Variants in LARGE1 observed in about 807,000 individuals in gnomAD.
The protein encoded by LARGE1 is xylosyl- and glucuronyltransferase LARGE1.
LARGE1 carries 43 observed loss-of-function variants against 87.6 expected under a neutral mutation model. That is an observed-to-expected ratio of 0.49 (90% CI 0.38 to 0.63). LARGE1 has a LOEUF of 0.63. Ranked by LOEUF, LARGE1 falls within the 30% of genes least tolerant of loss-of-function variation. LARGE1 has a pLI of 0.00. For synonymous variants in LARGE1, 434 were observed against 394.6 expected, an observed-to-expected ratio of 1.10 and a Z score of -1.18; for missense variants, 802 against 1,000.2, an observed-to-expected ratio of 0.80 and a Z score of 2.67.
At chr22:33,607,919 G>T (rs1219406443) in intron 4 of LARGE1, among the ~76,000 whole-genome samples, 1 of 152,206 alleles carries the variant, frequency 6.6e-6, no homozygotes, top group Admixed American at 6.5e-5. Flanking sequence ...TCAGGGGAAA[G>T]GGGCATATTT....
chr22:33,495,785 A>G (rs1489711964), intron 6 of LARGE1, among the ~76,000 whole-genome samples: 1 of 152,198 alleles, frequency 6.6e-6, no homozygotes, highest in Non-Finnish European at 1.5e-5. Flanking sequence ...GCTTTGAAAC[A>G]GCTGAAGCCA....
At chr22:33,647,678 C>T (rs1025433843) in intron 3 of LARGE1, among the ~76,000 whole-genome samples, 1 of 152,222 alleles carries the variant, frequency 6.6e-6, no homozygotes, top group Non-Finnish European at 1.5e-5. Flanking sequence ...AAATCTAAGA[C>T]TGATACAACT....
At position 33,337,943 on chromosome 22, in the gene LARGE1, G is replaced by A. The variant is rs1050991877; in HGVS notation, c.1132-142C>T. Reference sequence around the variant, plus strand: ...CGCTCATTCAACATTTTGGCAGAGTGGTTAAGGGTAGGGGCTCGGGGGCCA... The same window carrying A: ...CGCTCATTCAACATTTTGGCAGAGTAGTTAAGGGTAGGGGCTCGGGGGCCA... On this transcript the variant is annotated intron_variant, in intron 9 of 14. Coordinates refer to ENST00000397394, the MANE Select transcript of LARGE1 (RefSeq NM_133642.5). The A allele has an allele frequency of 7.4e-6, 7 of 942,188 alleles. No homozygotes were observed. The African/African-American group carries it at 1.1e-4, about 15-fold the overall frequency. The allele number at this position is 942,188 out of a possible 1,614,324, so 58.4% of individuals were successfully genotyped here.
intron 11 of LARGE1, among the ~76,000 whole-genome samples, chr22:33,186,104 T>C (rs1317459959): frequency 1.3e-5 from 2 of 152,030 alleles, no homozygotes. Flanking sequence ...CAACCAATTA[T>C]GGGAAAAAAA....
intron 9 of LARGE1, among the ~76,000 whole-genome samples, chr22:33,373,972 C>CAAAAAAAA (rs35830988): frequency 1.7e-5 from 1 of 59,518 alleles, no homozygotes; most frequent in African/African-American, 6.9e-5. Context: ...GACTCCGTCT[C>CAAAAAAAA]AAAAAAAAAA....
chr22:33,485,935 G>A (rs2069553902), intron 6 of LARGE1, among the ~76,000 whole-genome samples: 1 of 152,180 alleles, frequency 6.6e-6, no homozygotes, highest in African/African-American at 2.4e-5. Flanking sequence ...TTTGTTTGCT[G>A]CTACACCTCT....
chr22:33,381,803 T>C (rs2065167158), intron 9 of LARGE1, 116 bp downstream of exon 9: 2 of 1,346,032 alleles, frequency 1.5e-6, no homozygotes, highest in Non-Finnish European at 1.1e-6. Flanking sequence ...TCTGCTCTCC[T>C]GTGCCCTTAT....
At chr22:33,921,052 C>G (rs2065935043), upstream of LARGE1, among the ~76,000 whole-genome samples, 2 of 150,364 alleles carry the variant, frequency 1.3e-5, no homozygotes, top group Non-Finnish European at 1.5e-5. This position sits in a 1 kb window ranked among gnomAD's most constrained non-coding sequence, Gnocchi z 4.1. Flanking sequence ...GGACCGCGAG[C>G]CGGGGCTGGG....
rs148452691 is a variant in LARGE1, at chr22:33,352,266, T to C, written c.1132-14465A>G. Among the ~76,000 whole-genome samples the C allele has an allele frequency of 8.3e-4, 126 of 152,270 alleles. 1 individual carries two copies. In the East Asian group the frequency reaches 0.019, roughly 23 times the overall value. The stretch of plus-strand genomic sequence containing the variant: ...CTTAAGGGACATTTTAGAAACTACC[T>C]GACCAGTACTCCACAAAACTATTGA... On this transcript the variant is annotated intron_variant, in intron 9 of 14. Coordinates refer to ENST00000397394, the MANE Select transcript of LARGE1 (RefSeq NM_133642.5).
chr22:33,510,662 G>C (rs879269089), intron 6 of LARGE1, among the ~76,000 whole-genome samples: 4 of 152,194 alleles, frequency 2.6e-5, no homozygotes, highest in Non-Finnish European at 4.4e-5. Flanking sequence ...TGCAACCTTG[G>C]CCTCGCAGGC....
At chr22:33,652,698 T>C (rs1215950784) in intron 2 of LARGE1, among the ~76,000 whole-genome samples, 1 of 152,232 alleles carries the variant, frequency 6.6e-6, no homozygotes, top group Non-Finnish European at 1.5e-5. Context: ...AGAGAGTCTC[T>C]GTGACTCACA....
chr22:33,912,974 G>A (rs1479127074), intron 1 of LARGE1, among the ~76,000 whole-genome samples: 2 of 152,086 alleles, frequency 1.3e-5, no homozygotes, highest in African/African-American at 4.8e-5. Context: ...GGGATTACAG[G>A]CGTGCGCCAC....
intron 7 of LARGE1, among the ~76,000 whole-genome samples, chr22:33,403,136 G>A (rs767699383): frequency 3.9e-5 from 6 of 152,170 alleles, no homozygotes; most frequent in Non-Finnish European, 8.8e-5. Context: ...TAGGTGCTTT[G>A]TGGCACCAAA....
chr22:33,431,212 G>A (rs1462856559), intron 7 of LARGE1, among the ~76,000 whole-genome samples: 1 of 152,208 alleles, frequency 6.6e-6, no homozygotes, highest in African/African-American at 2.4e-5. Flanking sequence ...AGGAGGAAGA[G>A]GCTGCCCTAG....
chr22:33,434,466 A>T (rs1040609123), intron 6 of LARGE1, among the ~76,000 whole-genome samples: 1 of 152,098 alleles, frequency 6.6e-6, no homozygotes, highest in African/African-American at 2.4e-5. Context: ...ACACCCAGTT[A>T]ATTTTGTGTA....
intron 3 of LARGE1, among the ~76,000 whole-genome samples, chr22:33,643,176 C>A (rs777330121): frequency 1.3e-5 from 2 of 152,226 alleles, no homozygotes; most frequent in East Asian, 3.9e-4. Context: ...ATGCAAAGAA[C>A]AGAAATCATA....
At chr22:33,539,198 T>A (rs1768979870) in intron 6 of LARGE1, among the ~76,000 whole-genome samples, 1 of 152,074 alleles carries the variant, frequency 6.6e-6, no homozygotes, top group Non-Finnish European at 1.5e-5. Context: ...GTGTGAAAAG[T>A]ATGGTTGGCC....
the LARGE1 span, among the ~76,000 whole-genome samples, chr22:33,150,891 G>T: frequency 2.6e-5 from 4 of 151,870 alleles, no homozygotes; most frequent in Admixed American, 2.6e-4. Flanking sequence ...TGATTCATCC[G>T]CTTTATTTTT....
chr22:33,844,478 A>G (rs1568979699), intron 1 of LARGE1, among the ~76,000 whole-genome samples: 1 of 152,178 alleles, frequency 6.6e-6, no homozygotes. Context: ...ATTTCAGCAC[A>G]GCTTCCACTT....
Sources: gnomAD v4.1 joint callset for allele counts (sites outside exome capture counted in the v4.1 genomes callset) on GRCh38, gnomAD v4.1.1 for gene constraint, Gnocchi (gnomAD v3.1) non-coding constraint, MANE v1.5 for transcripts, NCBI Gene and HGNC (gene_info 2026-07-23, HGNC 2026-07-21) for gene names.